ULK4: variants seen among roughly 807,000 people sequenced by gnomAD.
ULK4 encodes the protein unc-51 like kinase 4.
Under a neutral mutation model 160.6 loss-of-function variants are expected in ULK4, and 133 were observed. The observed-to-expected ratio is 0.83, with a 90% confidence interval of 0.72 to 0.96. The LOEUF is 0.96. Ranked by LOEUF, ULK4 falls within the 40% of genes least tolerant of loss-of-function variation. ULK4 has a pLI of 0.00. For missense variants in ULK4, 1,580 were observed against 1,499.5 expected (o/e 1.05, Z -0.89); for synonymous variants, 534 against 539.8 (o/e 0.99, Z 0.15).
At chr3:41,505,256 G>A (rs953862684) in intron 32 of ULK4, among the ~76,000 whole-genome samples, 2 of 152,054 alleles carry the variant, frequency 1.3e-5, no homozygotes, top group Non-Finnish European at 2.9e-5. Context: ...AGAACATTGC[G>A]AACACCCAGA....
chr3:41,652,328 ACTC>A (rs2034775217), intron 30 of ULK4, among the ~76,000 whole-genome samples: 1 of 152,190 alleles, frequency 6.6e-6, no homozygotes. Flanking sequence ...CTGGGACAAA[ACTC>A]CTAAGAATTT....
intron 32 of ULK4, among the ~76,000 whole-genome samples, chr3:41,536,986 T>C (rs2086523705): frequency 6.6e-6 from 1 of 152,202 alleles, no homozygotes; most frequent in Admixed American, 6.5e-5. Context: ...AAAGCAGTCT[T>C]GAGTAACTGG....
At chr3:41,391,974 CAG>C (rs1213993934) in intron 35 of ULK4, among the ~76,000 whole-genome samples, 1 of 152,048 alleles carries the variant, frequency 6.6e-6, no homozygotes, top group East Asian at 1.9e-4. Flanking sequence ...TTTCTGCTTT[CAG>C]AGAGTAGTCG....
intron 32 of ULK4, among the ~76,000 whole-genome samples, chr3:41,548,805 C>T (rs1191636788): frequency 5.3e-5 from 8 of 152,038 alleles, no homozygotes; most frequent in African/African-American, 9.7e-5. Flanking sequence ...AGGTCACTGC[C>T]GCCGCCACCA....
intron 30 of ULK4, among the ~76,000 whole-genome samples, chr3:41,644,101 A>G (rs1487101374): frequency 2.0e-5 from 3 of 152,300 alleles, no homozygotes; most frequent in African/African-American, 7.2e-5. Flanking sequence ...GGCTGAGACA[A>G]TGGGGCTTTC....
At chr3:41,679,297 T>C (rs2035842837) in intron 29 of ULK4, among the ~76,000 whole-genome samples, 1 of 152,174 alleles carries the variant, frequency 6.6e-6, no homozygotes, top group Admixed American at 6.5e-5. Context: ...AAAAGAAGCA[T>C]CCTATTTAAT....
chr3:41,868,488 T>C (rs1482716056), intron 17 of ULK4, among the ~76,000 whole-genome samples: 2 of 152,062 alleles, frequency 1.3e-5, no homozygotes, highest in African/African-American at 4.8e-5. Context: ...GCTAGGTTTT[T>C]GTTTTTGTTT....
intron 21 of ULK4, among the ~76,000 whole-genome samples, chr3:41,761,109 G>A (rs1038815296): frequency 2.6e-5 from 4 of 152,080 alleles, no homozygotes; most frequent in African/African-American, 9.7e-5. Flanking sequence ...GTTTGCCTAA[G>A]ACAAAAGCAG....
At chr3:41,615,587 G>C in intron 31 of ULK4, 82 bp downstream of exon 31, 1 of 1,392,132 alleles carries the variant, frequency 7.2e-7, no homozygotes, top group South Asian at 1.3e-5. Context: ...GGCAGGGTTA[G>C]CAACACAGTC....
At chr3:41,424,436 G>C (rs775860528) in intron 34 of ULK4, among the ~76,000 whole-genome samples, 1 of 152,088 alleles carries the variant, frequency 6.6e-6, no homozygotes, top group Non-Finnish European at 1.5e-5. Context: ...GCTTCCTTAA[G>C]TGGGTCCCAG....
intron 22 of ULK4, among the ~76,000 whole-genome samples, chr3:41,735,841 C>G (rs1351219276): frequency 3.0e-5 from 3 of 100,788 alleles, no homozygotes; most frequent in African/African-American, 1.1e-4. Flanking sequence ...TCCCTCCCCC[C>G]TCCCCCCACC....
chr3:41,573,864 G>C (rs1575434881), intron 31 of ULK4, among the ~76,000 whole-genome samples: 1 of 152,158 alleles, frequency 6.6e-6, no homozygotes, highest in Non-Finnish European at 1.5e-5. Context: ...CTAGAGCTCT[G>C]AGACCCAAGC....
intron 35 of ULK4, among the ~76,000 whole-genome samples, chr3:41,321,826 C>T (rs953905939): frequency 1.4e-5 from 2 of 143,858 alleles, no homozygotes; most frequent in African/African-American, 5.5e-5. Context: ...GCCTGCGGCC[C>T]CTCCCAAGTG....
Position 41,681,737 on chromosome 3 carries a change from G to A in ULK4, c.2833+16C>T. 5.0e-6 allele frequency: 8 copies of A among 1,613,980 alleles called. No individual in the cohort carries two copies. The highest frequency in any genetic ancestry group is 6.8e-6 in the Non-Finnish European group (8 of 1,179,928). On this transcript the variant is annotated intron_variant, in intron 28 of 36. Transcript: ENST00000301831. Reference sequence around the variant, plus strand: ...TGTGTAACTGATGCAATTCTTGCTGGTGTCATCACACTTACCATTTTGGCT... The same window carrying A: ...TGTGTAACTGATGCAATTCTTGCTGATGTCATCACACTTACCATTTTGGCT...
At chr3:41,870,167 T>C (rs893696824) in intron 17 of ULK4, among the ~76,000 whole-genome samples, 2 of 152,248 alleles carry the variant, frequency 1.3e-5, no homozygotes, top group African/African-American at 2.4e-5. Context: ...AGTTTGACCA[T>C]GATGAGCCTA....
intron 22 of ULK4, among the ~76,000 whole-genome samples, chr3:41,737,466 T>A (rs983630902): frequency 1.3e-5 from 2 of 151,664 alleles, no homozygotes; most frequent in African/African-American, 2.4e-5. Flanking sequence ...TTCAATGCCA[T>A]CCCCATCAAG....
chr3:41,525,339 T>C (rs955319598), intron 32 of ULK4, among the ~76,000 whole-genome samples: 3 of 152,156 alleles, frequency 2.0e-5, no homozygotes, highest in Non-Finnish European at 4.4e-5. Context: ...AATTTCTTAA[T>C]TGAATAGCAA....
At chr3:41,868,058 T>C (rs192242348) in intron 17 of ULK4, among the ~76,000 whole-genome samples, 2 of 152,336 alleles carry the variant, frequency 1.3e-5, no homozygotes, top group African/African-American at 2.4e-5. Context: ...TTAGTGACTA[T>C]TCAGTATGCT....
At chr3:41,905,669 A>G (rs1455384683) in intron 12 of ULK4, among the ~76,000 whole-genome samples, 1 of 151,920 alleles carries the variant, frequency 6.6e-6, no homozygotes, top group Non-Finnish European at 1.5e-5. Flanking sequence ...TAAATTTTTG[A>G]ATAAATATTT....
Sources: allele counts gnomAD v4.1 joint callset (sites outside exome capture counted in the v4.1 genomes callset), GRCh38; gene constraint gnomAD v4.1.1; transcripts MANE v1.5; gene names NCBI Gene and HGNC (gene_info 2026-07-23, HGNC 2026-07-21).